MATN2: variants seen among roughly 807,000 people sequenced by gnomAD.
The protein encoded by MATN2 is matrilin 2, also known as matrilin-2.
MATN2 carries 69 observed loss-of-function variants against 103.2 expected under a neutral mutation model. The observed-to-expected ratio is 0.67, with a 90% CI of 0.55 to 0.82. The LOEUF (loss-of-function observed/expected upper bound fraction) is 0.82. Ranked by LOEUF, MATN2 falls within the 40% of genes least tolerant of loss-of-function variation. The probability of loss-of-function intolerance (pLI) is 0.00; values close to 1 mark genes in which losing one functional copy is unlikely to be tolerated. For missense variants in MATN2, 1,023 were observed against 1,211.5 expected, an observed-to-expected ratio of 0.84 and a Z score of 2.31; for synonymous variants, 429 against 450.2, an observed-to-expected ratio of 0.95 and a Z score of 0.60.
rs188134329 is a variant in MATN2 at position 97,903,770 on chromosome 8, A to C, written c.142+15528A>C. 3.4e-3 allele frequency among the ~76,000 whole-genome samples: 520 copies of C among 152,270 alleles called. 4 individuals carry two copies. Among genetic ancestry groups the C allele is most frequent in the African/African-American group, 0.012 (502 of 41,538 alleles). On this transcript the variant is annotated intron_variant, in intron 2 of 18. Transcript: ENST00000254898. ...GGTAACCTGTACCCTCAGGCTTCAG[A>C]GTGTGGTTGACTAGGAGGCTCCAAA...
intron 2 of MATN2, among the ~76,000 whole-genome samples, chr8:97,922,800 A>C (rs922276195): frequency 1.3e-5 from 2 of 152,322 alleles, no homozygotes; most frequent in East Asian, 1.9e-4. Flanking sequence ...GTATCATTAG[A>C]GACCTCCTTC....
At chr8:98,022,115 A>C (rs1813613113) in intron 13 of MATN2, among the ~76,000 whole-genome samples, 1 of 152,258 alleles carries the variant, frequency 6.6e-6, no homozygotes, top group South Asian at 2.1e-4. Context: ...ATCACCCATG[A>C]GCCTGGCTGA....
At chr8:98,022,357 G>GCACACA (rs34090534) in intron 13 of MATN2, among the ~76,000 whole-genome samples, 3 of 150,508 alleles carry the variant, frequency 2.0e-5, no homozygotes, top group Non-Finnish European at 4.4e-5. Context: ...ATACCCTTAT[G>GCACACA]CACACACACA....
intron 3 of MATN2, among the ~76,000 whole-genome samples, chr8:97,932,912 A>T (rs1174509525): frequency 6.6e-6 from 1 of 152,236 alleles, no homozygotes; most frequent in Non-Finnish European, 1.5e-5. Context: ...CCTAGAGCAG[A>T]GTGGAGAATG....
chr8:97,909,043 A>G (rs894455706), intron 2 of MATN2, among the ~76,000 whole-genome samples: 1 of 151,948 alleles, frequency 6.6e-6, no homozygotes, highest in African/African-American at 2.4e-5. Flanking sequence ...TGCTCAAGTG[A>G]TCCTCCCATC....
chr8:97,901,886 C>T (rs1818994818), intron 2 of MATN2, among the ~76,000 whole-genome samples: 2 of 152,168 alleles, frequency 1.3e-5, no homozygotes, highest in South Asian at 2.1e-4. Context: ...TTTGTGCATT[C>T]AGGTTTTTCA....
chr8:97,929,309 C>T (rs760144140), intron 2 of MATN2, among the ~76,000 whole-genome samples: 1 of 152,194 alleles, frequency 6.6e-6, no homozygotes, highest in African/African-American at 2.4e-5. Flanking sequence ...TTTTGGCTTT[C>T]TCTCTCTTTC....
intron 1 of MATN2, among the ~76,000 whole-genome samples, chr8:97,883,001 GA>G (rs1296411663): frequency 6.6e-6 from 1 of 152,042 alleles, no homozygotes; most frequent in Non-Finnish European, 1.5e-5. Flanking sequence ...CTAATTGAGT[GA>G]TAAGAGTTTA....
At chr8:97,899,303 G>T (rs1200160610) in intron 2 of MATN2, among the ~76,000 whole-genome samples, 1 of 152,046 alleles carries the variant, frequency 6.6e-6, no homozygotes, top group Non-Finnish European at 1.5e-5. Context: ...GTACACAGCA[G>T]GTATTCCATA....
At chr8:98,032,021 T>C (rs1484014173) in intron 15 of MATN2, 3 of 365,634 alleles carry the variant, frequency 8.2e-6, no homozygotes, top group African/African-American at 2.3e-5. Flanking sequence ...TCTTAAGATG[T>C]ACTTAGGGGG....
intron 6 of MATN2, among the ~76,000 whole-genome samples, chr8:97,987,062 C>T (rs1429311873): frequency 2.6e-5 from 4 of 151,410 alleles, no homozygotes; most frequent in African/African-American, 4.9e-5. Context: ...AGGGTGGTCT[C>T]GAACTCCTGA....
At chr8:97,932,791 C>G (rs1480833121) in intron 3 of MATN2, among the ~76,000 whole-genome samples, 7 of 152,208 alleles carry the variant, frequency 4.6e-5, no homozygotes, top group Non-Finnish European at 8.8e-5. Context: ...CCTGTCCCCT[C>G]CAGCTACCAT....
intron 5 of MATN2, among the ~76,000 whole-genome samples, chr8:97,969,174 C>A (rs1811577587): frequency 6.6e-6 from 1 of 152,216 alleles, no homozygotes; most frequent in South Asian, 2.1e-4. Context: ...TGAGCAAGAA[C>A]TCACTCATCA....
intron 2 of MATN2, among the ~76,000 whole-genome samples, chr8:97,914,344 A>G (rs371564650): frequency 6.9e-6 from 1 of 144,058 alleles, no homozygotes; most frequent in South Asian, 2.2e-4. Context: ...CGTTTGTCCT[A>G]ATAAAATCCA....
At chr8:97,966,853 G>A (rs887381881) in intron 5 of MATN2, among the ~76,000 whole-genome samples, 7 of 152,176 alleles carry the variant, frequency 4.6e-5, no homozygotes, top group Non-Finnish European at 1.0e-4. Flanking sequence ...TACTTGCTAG[G>A]TGTGTTAGGC....
chr8:97,986,333 G>T (rs1399092592), intron 6 of MATN2, among the ~76,000 whole-genome samples: 1 of 152,138 alleles, frequency 6.6e-6, no homozygotes, highest in African/African-American at 2.4e-5. Context: ...TGGGGAGCAG[G>T]TGGTGTTTGG....
intron 2 of MATN2, among the ~76,000 whole-genome samples, chr8:97,902,237 T>G (rs1265550449): frequency 4.6e-5 from 7 of 151,216 alleles, no homozygotes; most frequent in Admixed American, 4.6e-4. Flanking sequence ...GGCTCACACC[T>G]GTAATCCCAG....
intron 2 of MATN2, among the ~76,000 whole-genome samples, chr8:97,900,076 T>C (rs954298053): frequency 1.2e-4 from 18 of 152,130 alleles, no homozygotes; most frequent in African/African-American, 4.3e-4. Context: ...TGAAACCAAG[T>C]CCAAGTAAGG....
At chr8:97,958,816 C>T (rs185628743) in intron 4 of MATN2, among the ~76,000 whole-genome samples, 15 of 152,252 alleles carry the variant, frequency 9.9e-5, no homozygotes, top group Non-Finnish European at 1.5e-4. Flanking sequence ...CCCCATTGCC[C>T]GCTGATTGGA....
Sources: gnomAD v4.1 joint callset for allele counts (sites outside exome capture counted in the v4.1 genomes callset) on GRCh38, gnomAD v4.1.1 for gene constraint, MANE v1.5 for transcripts, NCBI Gene and HGNC (gene_info 2026-07-23, HGNC 2026-07-21) for gene names.